Variants in ANO1 observed in about 807,000 individuals in gnomAD.
ANO1 encodes anoctamin-1.
A neutral mutation model predicts 124.0 loss-of-function variants in ANO1; 59 were observed. The ratio of observed to expected loss-of-function variants is 0.48; its 90% CI spans 0.39 to 0.59. The LOEUF is 0.59. Among genes scored for constraint, ANO1 ranks in the 20% least tolerant of loss-of-function variants. The pLI, the probability that ANO1 is intolerant of heterozygous loss-of-function variation, is 0.00. For synonymous variants in ANO1, 529 were observed against 532.0 expected (o/e 0.99, Z 0.08); for missense variants, 1,059 against 1,328.0 (o/e 0.80, Z 3.15).
At chr11:70,088,231 G>A in intron 2 of ANO1, 147 bp downstream of exon 2, 1 of 631,274 alleles carries the variant, frequency 1.6e-6, no homozygotes. Context: ...GGGCAGACGG[G>A]CCAGACGCAG....
chr11:69,976,977 T>C, the ANO1 span, among the ~76,000 whole-genome samples: 61 of 152,330 alleles, frequency 4.0e-4, no homozygotes, highest in Middle Eastern at 3.4e-3. Context: ...TCCTGGAAGA[T>C]GGATGAGAAT....
At chr11:70,062,493 A>G (rs1360641345) in intron 1 of ANO1, among the ~76,000 whole-genome samples, 1 of 152,242 alleles carries the variant, frequency 6.6e-6, no homozygotes, top group East Asian at 1.9e-4. Flanking sequence ...CAGATGAAGC[A>G]GAACAACTGA....
chr11:69,976,541 AAAAAAAAAAAAAAG>A, the ANO1 span, among the ~76,000 whole-genome samples: 3 of 63,912 alleles, frequency 4.7e-5, 1 homozygote, highest in African/African-American at 1.3e-4. Flanking sequence ...AAAAAAAAAA[AAAAAAAAAAAAAAG>A]AGAGAGAGAG....
intron 22 of ANO1, among the ~76,000 whole-genome samples, chr11:70,177,909 A>T (rs753047285): frequency 2.0e-5 from 3 of 152,106 alleles, no homozygotes; most frequent in Non-Finnish European, 4.4e-5. Flanking sequence ...TTGATTTTTT[A>T]AAATACATTT....
intron 24 of ANO1, 51 bp from the exon 25 acceptor site, chr11:70,185,539 G>T (rs2049081575): frequency 1.3e-6 from 2 of 1,558,162 alleles, no homozygotes; most frequent in Admixed American, 1.7e-5. Context: ...TCCAGCCAGA[G>T]CCTGAGCCCC....
chr11:70,017,137 G>A (rs1189357623), intron 1 of ANO1, among the ~76,000 whole-genome samples: 4 of 152,142 alleles, frequency 2.6e-5, no homozygotes, highest in South Asian at 4.1e-4. Context: ...AATCCCACGC[G>A]GGCCAAGGTG....
At chr11:69,992,068 G>A (rs369705074) in intron 1 of ANO1, among the ~76,000 whole-genome samples, 15 of 152,184 alleles carry the variant, frequency 9.9e-5, no homozygotes, top group Admixed American at 3.3e-4. Context: ...AAAAAGTCTC[G>A]TTCATTTCTC....
rs751083599 is a variant in ANO1 at position 70,155,899 on chromosome 11, A to AC, written c.1426-5dup. 1.4e-4 allele frequency: 213 copies of AC among 1,501,946 alleles called. No homozygotes were observed. The highest frequency in any genetic ancestry group is 1.7e-4 in the Middle Eastern group (1 of 5,858). The allele number at this position is 1,501,946 out of a possible 1,614,324, so 93.0% of individuals were successfully genotyped here. The stretch of plus-strand genomic sequence containing the variant: ...CACCGCACGGTGCTCTCTTTCCCCC[A>AC]CCCCCCCTCAGAAGCGCCGGCATAT... On this transcript the variant is annotated splice_polypyrimidine_tract_variant and intron_variant, in intron 14 of 25. Coordinates refer to ENST00000355303, the MANE Select transcript of ANO1 (RefSeq NM_018043.7).
intron 4 of ANO1, among the ~76,000 whole-genome samples, chr11:70,105,462 GGGGTGGGGGGCTGGA>G (rs1455060941): frequency 6.6e-6 from 1 of 152,166 alleles, no homozygotes; most frequent in Non-Finnish European, 1.5e-5. Context: ...GGGGCTGTGG[GGGGTGGGGGGCTGGA>G]GGGTGGTCTG....
chr11:70,026,425 A>G (rs1351379323), intron 1 of ANO1, among the ~76,000 whole-genome samples: 4 of 117,588 alleles, frequency 3.4e-5, no homozygotes, highest in Non-Finnish European at 5.3e-5. Flanking sequence ...CAACAGTAAT[A>G]ATGATGATGG....
chr11:70,041,948 G>T (rs536432650), intron 1 of ANO1, among the ~76,000 whole-genome samples: 7 of 152,196 alleles, frequency 4.6e-5, no homozygotes, highest in Admixed American at 1.3e-4. Context: ...TATTTACTTG[G>T]ATTGTGGCTT....
chr11:70,048,083 A>C (rs1439589990), intron 1 of ANO1, among the ~76,000 whole-genome samples: 1 of 152,236 alleles, frequency 6.6e-6, no homozygotes, highest in Non-Finnish European at 1.5e-5. Context: ...TGAAAATAGA[A>C]ACTTTCCGTT....
In ANO1 at chr11:70,024,568, C is replaced by A. The variant is rs191268210; in HGVS notation, c.58+38402C>A. ...ACTGTGCCAAGGGCTCCCTGGGCAC[C>A]GTCTGCTTTCATCCTTGCAATACCC... On this transcript the variant is annotated intron_variant, in intron 1 of 27. Transcript: ENST00000531349. Among the ~76,000 whole-genome samples, 531 of 152,274 alleles carry A rather than the reference C, an allele frequency of 3.5e-3. 3 individuals are homozygous for A. The highest frequency in any genetic ancestry group is 5.5e-3 in the Non-Finnish European group (374 of 68,010).
chr11:70,081,119 C>T (rs2044187804), intron 1 of ANO1, among the ~76,000 whole-genome samples: 1 of 152,246 alleles, frequency 6.6e-6, no homozygotes, highest in Non-Finnish European at 1.5e-5. Flanking sequence ...CAGCCTGTGA[C>T]TTTTGCCTCT....
intron 21 of ANO1, 65 bp downstream of exon 21, chr11:70,167,452 T>A: frequency 4.5e-6 from 7 of 1,545,142 alleles, no homozygotes; most frequent in Non-Finnish European, 6.1e-6. Flanking sequence ...CCACCTGGAG[T>A]GGGGAAGGGC....
intron 16 of ANO1, among the ~76,000 whole-genome samples, chr11:70,159,163 G>A (rs2047944707): frequency 6.6e-6 from 1 of 152,152 alleles, no homozygotes; most frequent in African/African-American, 2.4e-5. Flanking sequence ...CTAGGAGTGG[G>A]TCCCCTCTTG....
chr11:69,972,038 T>C, the ANO1 span, among the ~76,000 whole-genome samples: 116,126 of 151,492 alleles, frequency 0.77, 45,067 homozygotes, highest in South Asian at 0.87. Context: ...CTGCCCAATA[T>C]GGCGAAACCC....
At chr11:70,103,439 C>A (rs1232774521) in intron 3 of ANO1, among the ~76,000 whole-genome samples, 1 of 152,130 alleles carries the variant, frequency 6.6e-6, no homozygotes, top group Non-Finnish European at 1.5e-5. Flanking sequence ...AAAAGCCCAC[C>A]TCTCGGCCCC....
At chr11:70,104,871 G>A (rs971636658) in intron 4 of ANO1, among the ~76,000 whole-genome samples, 5 of 152,162 alleles carry the variant, frequency 3.3e-5, no homozygotes, top group Admixed American at 3.3e-4. Context: ...GGACGAACAG[G>A]TGCCTCAGCT....
Sources: gnomAD v4.1 joint callset for allele counts (sites outside exome capture counted in the v4.1 genomes callset) on GRCh38, gnomAD v4.1.1 for gene constraint, MANE v1.5 for transcripts, NCBI Gene and HGNC (gene_info 2026-07-23, HGNC 2026-07-21) for gene names.